TRPC7: variants seen among roughly 807,000 people sequenced by gnomAD.
TRPC7 encodes short transient receptor potential channel 7.
In TRPC7, 42 loss-of-function variants were observed where a neutral mutation model predicts 90.1. That is an observed-to-expected ratio of 0.47 (90% CI 0.36 to 0.60). The LOEUF is 0.60. Ranked by LOEUF, TRPC7 falls within the 20% of genes least tolerant of loss-of-function variation. The pLI, the probability that TRPC7 is intolerant of heterozygous loss-of-function variation, is 0.00. For missense variants in TRPC7, 955 were observed against 1,112.3 expected (o/e 0.86, Z 2.01); for synonymous variants, 451 against 436.3 (o/e 1.03, Z -0.42).
At chr5:136,297,640 C>T (rs1057186362) in intron 3 of TRPC7, among the ~76,000 whole-genome samples, 13 of 151,696 alleles carry the variant, frequency 8.6e-5, no homozygotes, top group Admixed American at 3.3e-4. Context: ...ATTTGGAGAC[C>T]AAATTATTAA....
chr5:136,314,570 A>G (rs1200651474), intron 3 of TRPC7, among the ~76,000 whole-genome samples: 1 of 152,202 alleles, frequency 6.6e-6, no homozygotes, highest in Admixed American at 6.5e-5. Flanking sequence ...TTATTATAAT[A>G]TCAAAGTAAA....
chr5:136,305,674 T>C (rs1377895136), intron 3 of TRPC7, among the ~76,000 whole-genome samples: 1 of 152,136 alleles, frequency 6.6e-6, no homozygotes, highest in Non-Finnish European at 1.5e-5. Flanking sequence ...TCAGACATAA[T>C]TCCTCAGTTT....
At chr5:136,334,853 T>G (rs888245223) in intron 2 of TRPC7, among the ~76,000 whole-genome samples, 2 of 152,198 alleles carry the variant, frequency 1.3e-5, no homozygotes, top group Admixed American at 6.5e-5. Context: ...GGAATTGATC[T>G]AGAAGTGGTA....
intron 10 of TRPC7, among the ~76,000 whole-genome samples, chr5:136,220,718 C>A (rs1189518792): frequency 6.6e-6 from 1 of 152,146 alleles, no homozygotes; most frequent in South Asian, 2.1e-4. Flanking sequence ...GGCATATGAT[C>A]TTTGTTCTCC....
intron 3 of TRPC7, among the ~76,000 whole-genome samples, chr5:136,287,086 C>A (rs1757743828): frequency 6.6e-6 from 1 of 152,176 alleles, no homozygotes; most frequent in African/African-American, 2.4e-5. Context: ...GCTCCCTAAG[C>A]CATGAACGCT....
intron 5 of TRPC7, among the ~76,000 whole-genome samples, chr5:136,260,645 C>T (rs1370399746): frequency 6.6e-6 from 1 of 152,190 alleles, no homozygotes; most frequent in Non-Finnish European, 1.5e-5. Flanking sequence ...TATAATGACA[C>T]TGGCTGTCAT....
At chr5:136,233,927 A>G (rs369544567) in intron 7 of TRPC7, among the ~76,000 whole-genome samples, 2 of 152,164 alleles carry the variant, frequency 1.3e-5, no homozygotes, top group East Asian at 1.9e-4. Flanking sequence ...TAGGTATTCT[A>G]TATCAATAAT....
chr5:136,252,817 C>G (rs1756565333), intron 5 of TRPC7, among the ~76,000 whole-genome samples: 1 of 152,192 alleles, frequency 6.6e-6, no homozygotes, highest in African/African-American at 2.4e-5. Flanking sequence ...GCTGGCTTGC[C>G]CACCGCTTAC....
In TRPC7 at chr5:136,244,206, T is replaced by C. The variant is rs776966467; in HGVS notation, c.1844+3265A>G. Among the ~76,000 whole-genome samples, 51 of 150,130 alleles carry C rather than the reference T, an allele frequency of 3.4e-4. No homozygotes were observed. The East Asian group carries it at 5.6e-3, about 16-fold the overall frequency. Reference sequence around the variant, plus strand: ...CTTCCTTCCTCTCCCTCCTCCTCCTTCTTCTTCTTTTTTCTTTAATGAGGT... The same window carrying C: ...CTTCCTTCCTCTCCCTCCTCCTCCTCCTTCTTCTTTTTTCTTTAATGAGGT... On this transcript the variant is annotated intron_variant, in intron 7 of 11. Coordinates refer to ENST00000513104, the MANE Select transcript of TRPC7 (RefSeq NM_020389.3).
chr5:136,257,163 A>G (rs1310044077), intron 5 of TRPC7, among the ~76,000 whole-genome samples: 2 of 152,032 alleles, frequency 1.3e-5, no homozygotes, highest in Admixed American at 1.3e-4. Context: ...ATGAAATAAA[A>G]GGATTTAAAA....
chr5:136,320,818 C>T (rs1226665578), intron 2 of TRPC7, among the ~76,000 whole-genome samples: 1 of 152,148 alleles, frequency 6.6e-6, no homozygotes, highest in Non-Finnish European at 1.5e-5. Flanking sequence ...ACCCTTAAGC[C>T]TTCTCTGACT....
intron 1 of TRPC7, among the ~76,000 whole-genome samples, chr5:136,359,130 G>A (rs547123763): frequency 6.6e-6 from 1 of 152,118 alleles, no homozygotes; most frequent in South Asian, 2.1e-4. Flanking sequence ...GTTTAAATTG[G>A]GGACTCCATT....
At chr5:136,317,137 G>C (rs1390192742) in intron 2 of TRPC7, among the ~76,000 whole-genome samples, 3 of 152,132 alleles carry the variant, frequency 2.0e-5, no homozygotes, top group African/African-American at 7.2e-5. Context: ...TATAATTTAG[G>C]TAGAAGAAGG....
At chr5:136,270,987 C>T (rs539817349) in intron 4 of TRPC7, among the ~76,000 whole-genome samples, 37 of 152,254 alleles carry the variant, frequency 2.4e-4, no homozygotes, top group Admixed American at 7.2e-4. Context: ...AAAAAGAGGT[C>T]TCTGGAGGTG....
intron 3 of TRPC7, among the ~76,000 whole-genome samples, chr5:136,275,893 C>A (rs188939447): frequency 3.7e-4 from 57 of 152,328 alleles, no homozygotes; most frequent in African/African-American, 1.3e-3. Flanking sequence ...CTGTTGAAAG[C>A]AGAAAGAGAA....
intron 3 of TRPC7, among the ~76,000 whole-genome samples, chr5:136,276,288 G>C (rs906518140): frequency 1.3e-5 from 2 of 152,208 alleles, no homozygotes; most frequent in Non-Finnish European, 2.9e-5. Flanking sequence ...TGCTTCCAGA[G>C]CATGGCTGGA....
chr5:136,280,471 T>C (rs944519263), intron 3 of TRPC7, among the ~76,000 whole-genome samples: 1 of 152,236 alleles, frequency 6.6e-6, no homozygotes, highest in African/African-American at 2.4e-5. Flanking sequence ...ACTGAGGGTT[T>C]TGAATCCCCT....
At chr5:136,297,054 C>G (rs1270530152) in intron 3 of TRPC7, among the ~76,000 whole-genome samples, 1 of 152,190 alleles carries the variant, frequency 6.6e-6, no homozygotes, top group Non-Finnish European at 1.5e-5. Context: ...ATAGGTCCCC[C>G]ACTGCTTCCT....
chr5:136,266,004 G>A (rs745788279), intron 5 of TRPC7, among the ~76,000 whole-genome samples: 12 of 151,994 alleles, frequency 7.9e-5, no homozygotes, highest in East Asian at 1.9e-4. Flanking sequence ...TCTGTCCCCC[G>A]CCGCCCCAAA....
Sources: allele counts gnomAD v4.1 joint callset (sites outside exome capture counted in the v4.1 genomes callset), GRCh38; gene constraint gnomAD v4.1.1; transcripts MANE v1.5; gene names NCBI Gene and HGNC (gene_info 2026-07-23, HGNC 2026-07-21).